The following TANC2 variants were observed in gnomAD, a reference collection of about 807,000 sequenced individuals.
The protein encoded by TANC2 is protein TANC2.
Under a neutral mutation model 210.5 loss-of-function variants are expected in TANC2, and 26 were observed. The ratio of observed to expected loss-of-function variants is 0.12; its 90% CI spans 0.09 to 0.17. The LOEUF (loss-of-function observed/expected upper bound fraction) is 0.17. TANC2 is among the 10% of genes least tolerant of loss of function. The pLI, the probability that TANC2 is intolerant of heterozygous loss-of-function variation, is 1.00. For synonymous variants in TANC2, 931 were observed against 967.1 expected (o/e 0.96, Z 0.69); for missense variants, 2,129 against 2,608.9 (o/e 0.82, Z 4.01).
At chr17:63,167,884 C>CAAAAAAAAAA (rs760465295) in intron 5 of TANC2, among the ~76,000 whole-genome samples, 4 of 63,988 alleles carry the variant, frequency 6.3e-5, no homozygotes, top group Non-Finnish European at 1.1e-4. Context: ...GACTCTGTCT[C>CAAAAAAAAAA]AAAAAAAAAA....
intron 7 of TANC2, among the ~76,000 whole-genome samples, chr17:63,232,070 A>G (rs565031796): frequency 1.8e-4 from 27 of 152,086 alleles, no homozygotes; most frequent in Non-Finnish European, 3.5e-4. Context: ...TTGTAGTTAC[A>G]TTGTGAAGTT....
At chr17:63,076,574 A>G (rs1010191130) in intron 3 of TANC2, among the ~76,000 whole-genome samples, 10 of 152,214 alleles carry the variant, frequency 6.6e-5, no homozygotes, top group Non-Finnish European at 1.0e-4. Flanking sequence ...AGCAGCTAAC[A>G]AAGATGAGTA....
chr17:63,178,481 G>A (rs1049611539), intron 5 of TANC2, among the ~76,000 whole-genome samples: 2 of 152,206 alleles, frequency 1.3e-5, no homozygotes, highest in African/African-American at 4.8e-5. Flanking sequence ...TTCAACATTT[G>A]TTGTGACAAA....
At chr17:63,251,914 G>T (rs937234368) in intron 8 of TANC2, among the ~76,000 whole-genome samples, 9 of 152,120 alleles carry the variant, frequency 5.9e-5, no homozygotes, top group African/African-American at 1.9e-4. Context: ...AAATCAAGGC[G>T]ATAGAATAGT....
intron 3 of TANC2, among the ~76,000 whole-genome samples, chr17:63,082,065 G>A (rs1321876779): frequency 6.6e-6 from 1 of 152,122 alleles, no homozygotes; most frequent in Non-Finnish European, 1.5e-5. Context: ...CAGCTACTTG[G>A]GAGGCTGAGG....
At chr17:63,115,856 A>G (rs2038230046) in intron 4 of TANC2, among the ~76,000 whole-genome samples, 1 of 152,176 alleles carries the variant, frequency 6.6e-6, no homozygotes, top group African/African-American at 2.4e-5. Flanking sequence ...TGCCTTACTC[A>G]GGGTTATATT....
intron 9 of TANC2, among the ~76,000 whole-genome samples, chr17:63,313,991 T>C (rs1034620346): frequency 6.6e-6 from 1 of 152,156 alleles, no homozygotes; most frequent in Non-Finnish European, 1.5e-5. Context: ...CTCCTGCACC[T>C]CTCCACAATC....
At chr17:63,415,766 C>G in intron 26 of TANC2, 92 bp downstream of exon 26, 1 of 1,480,088 alleles carries the variant, frequency 6.8e-7, no homozygotes, top group Non-Finnish European at 9.1e-7. Flanking sequence ...TGAAATCCTC[C>G]TCTGCCCCAT....
chr17:63,297,195 T>G (rs1598799201), intron 9 of TANC2, among the ~76,000 whole-genome samples: 2 of 152,182 alleles, frequency 1.3e-5, no homozygotes, highest in Non-Finnish European at 2.9e-5. Context: ...AACAGCCTGT[T>G]GGGCAGGAAT....
At chr17:63,334,652 T>C (rs2045967388) in intron 11 of TANC2, among the ~76,000 whole-genome samples, 1 of 152,126 alleles carries the variant, frequency 6.6e-6, no homozygotes, top group East Asian at 1.9e-4. Flanking sequence ...AGGATTTGCA[T>C]AGCCTCAAAC....
intron 11 of TANC2, among the ~76,000 whole-genome samples, chr17:63,328,779 A>G (rs1378679403): frequency 1.3e-5 from 2 of 152,088 alleles, no homozygotes; most frequent in African/African-American, 4.8e-5. Context: ...CAAAATAACT[A>G]ACTTTTAAGT....
At chr17:63,228,807 T>TTA (rs1487459374) in intron 7 of TANC2, among the ~76,000 whole-genome samples, 1 of 152,222 alleles carries the variant, frequency 6.6e-6, no homozygotes, top group African/African-American at 2.4e-5. Context: ...CTGAAGTTGT[T>TTA]TATCAGCTTA....
In TANC2 at chr17:63,420,580, C is replaced by A. The variant is rs749820274; in HGVS notation, c.4850C>A (p.Pro1617His). The change falls in exon 28 of 28, where the codon CCT becomes CAT. Residue 1617 changes from proline (P) to histidine (H), a missense_variant. Pro to His is a moderately conservative substitution (Grantham distance 77, BLOSUM62 -2). Coordinates refer to ENST00000689528, the Ensembl canonical transcript of TANC2. The surrounding 1 kb of genome is among the most constrained non-coding windows in gnomAD (Gnocchi z 4.2). ...GGCAAAGAATACCCAAGCCCTCCCCCTTCCCCTCTCCGGAGAGGCCCTCAG... is the reference window on the plus strand; with the variant it reads ...GGCAAAGAATACCCAAGCCCTCCCCATTCCCCTCTCCGGAGAGGCCCTCAG... 2 of 1,613,786 alleles carry A rather than the reference C, an allele frequency of 1.2e-6. No individual in the cohort carries two copies. The highest frequency in any genetic ancestry group is 1.7e-6 in the Non-Finnish European group (2 of 1,179,844).
At chr17:62,984,603 C>T (rs2032476878) in intron 1 of TANC2, among the ~76,000 whole-genome samples, 1 of 152,014 alleles carries the variant, frequency 6.6e-6, no homozygotes, top group South Asian at 2.1e-4. Flanking sequence ...TATCACTGTA[C>T]ACTTGTGTCT....
intron 5 of TANC2, among the ~76,000 whole-genome samples, chr17:63,188,916 C>A (rs1037315767): frequency 1.3e-5 from 2 of 151,188 alleles, no homozygotes; most frequent in Admixed American, 1.3e-4. Flanking sequence ...AAAAAAATGT[C>A]CCGTGCCCAT....
intron 4 of TANC2, among the ~76,000 whole-genome samples, chr17:63,146,789 C>T (rs143445959): frequency 8.4e-4 from 128 of 152,198 alleles, no homozygotes; most frequent in African/African-American, 2.8e-3. Flanking sequence ...AGAGGAACCT[C>T]GATAGGTAGA....
intron 18 of TANC2, chr17:63,396,821 G>C (rs934910747): frequency 2.0e-5 from 3 of 152,024 alleles, no homozygotes; most frequent in Non-Finnish European, 4.4e-5. Flanking sequence ...CTACTGGGAG[G>C]GGAAAGGAAG....
exon 17 of TANC2, chr17:63,389,385 T>C (rs1317194397): frequency 1.2e-6 from 2 of 1,614,012 alleles, no homozygotes; most frequent in South Asian, 2.2e-5. Flanking sequence ...CAATTCTATG[T>C]GTTCAGTCCC....
At chr17:63,202,836 T>A (rs1027476853) in intron 7 of TANC2, among the ~76,000 whole-genome samples, 1 of 152,178 alleles carries the variant, frequency 6.6e-6, no homozygotes, top group Non-Finnish European at 1.5e-5. Context: ...AATATTAATG[T>A]GTCCTTGAAT....
Sources: allele counts gnomAD v4.1 joint callset (sites outside exome capture counted in the v4.1 genomes callset), GRCh38; gene constraint gnomAD v4.1.1; non-coding constraint Gnocchi (gnomAD v3.1); transcripts MANE v1.5; gene names NCBI Gene and HGNC (gene_info 2026-07-23, HGNC 2026-07-21).